Variants in TNFAIP8L1 observed in about 807,000 individuals in gnomAD.
The protein encoded by TNFAIP8L1 is tumor necrosis factor alpha-induced protein 8-like protein 1.
For synonymous variants in TNFAIP8L1, 127 were observed against 125.6 expected, an observed-to-expected ratio of 1.01 and a Z score of -0.08; for missense variants, 225 against 266.1, an observed-to-expected ratio of 0.85 and a Z score of 1.08.
intron 1 of TNFAIP8L1, among the ~76,000 whole-genome samples, chr19:4,650,006 T>C (rs10426583): frequency 0.31 from 46,853 of 152,088 alleles, 8,922 homozygotes; most frequent in African/African-American, 0.54. Context: ...CTGAGCAGGG[T>C]CTGGGGCAGT....
chr19:4,652,263 G>A lies in TNFAIP8L1; in HGVS notation c.394G>A (p.Gly132Ser). 1.3e-6 allele frequency: 2 copies of A among 1,562,970 alleles called. No homozygotes were observed. Among genetic ancestry groups the A allele is most frequent in the Non-Finnish European group, 1.7e-6 (2 of 1,157,578 alleles). ...CCGCGACCTGCTGCACCAGGCCGTG[G>A]GTCCCCACCTGACCGCCAAGTCCCA... ...ECRDLLHQAV[G>S]PHLTAKSHGR... The change falls in exon 2 of 2, where the codon GGT becomes AGT. Residue 132 changes from glycine to serine, a missense_variant. Transcript: ENST00000327473.
chr19:4,644,342 C>G (rs996809220), intron 1 of TNFAIP8L1, among the ~76,000 whole-genome samples: 2 of 150,298 alleles, frequency 1.3e-5, no homozygotes, highest in Non-Finnish European at 2.9e-5. Flanking sequence ...GAGTTCGAGA[C>G]TAGCCTGGGC....
rs1435743578 is a variant in TNFAIP8L1 at position 4,652,276 on chromosome 19, C to T, written c.407C>T (p.Thr136Ile). The change falls in exon 2 of 2, where the codon ACC becomes ATC. Residue 136 changes from threonine to isoleucine, a missense_variant. Coordinates refer to ENST00000327473, the MANE Select transcript of TNFAIP8L1 (RefSeq NM_152362.3). ...LLHQAVGPHL[T>I]AKSHGRINHV... ...CACCAGGCCGTGGGTCCCCACCTGA[C>T]CGCCAAGTCCCACGGCCGCATCAAC... 3 of 1,565,008 alleles carry T rather than the reference C, an allele frequency of 1.9e-6. No homozygotes were observed. The highest frequency in any genetic ancestry group is 2.6e-6 in the Non-Finnish European group (3 of 1,158,530).
At chr19:4,651,831 C>T in intron 1 of TNFAIP8L1, 36 bp from the exon 2 acceptor site, 2 of 1,548,296 alleles carry the variant, frequency 1.3e-6, no homozygotes, top group African/African-American at 1.4e-5. Context: ...AGTGCCCCAA[C>T]GTGCAAAACT....
At chr19:4,644,179 C>T (rs1018443557) in intron 1 of TNFAIP8L1, among the ~76,000 whole-genome samples, 1 of 152,130 alleles carries the variant, frequency 6.6e-6, no homozygotes. Context: ...TGAGATCATG[C>T]CATTGCACTC....
chr19:4,642,270 C>G (rs2088267972), intron 1 of TNFAIP8L1: 1 of 152,138 alleles, frequency 6.6e-6, no homozygotes, highest in African/African-American at 2.4e-5. Flanking sequence ...CACCTGAGGT[C>G]AGGAATTCGA....
At chr19:4,651,743 C>T (rs1335258943) in intron 1 of TNFAIP8L1, 124 bp from the exon 2 acceptor site, 5 of 1,129,172 alleles carry the variant, frequency 4.4e-6, no homozygotes, top group South Asian at 1.7e-5. Flanking sequence ...CCACTGCGTC[C>T]GGCATGACAC....
intron 1 of TNFAIP8L1, among the ~76,000 whole-genome samples, chr19:4,648,666 C>T (rs1173550438): frequency 3.3e-5 from 5 of 152,298 alleles, no homozygotes; most frequent in Admixed American, 6.5e-5. Context: ...GACTCCCGTC[C>T]GGAATCAACT....
chr19:4,652,638 G>GC lies in TNFAIP8L1; in HGVS notation c.*213dup, dbSNP rs933095946. ...AACACCAATGTCACCTCTCCTCCTGGCCCCCGCCCAATGGGGAGAGGAATT... is the reference window on the plus strand; with the variant it reads ...AACACCAATGTCACCTCTCCTCCTGGCCCCCCGCCCAATGGGGAGAGGAATT... On this transcript the variant is annotated 3_prime_UTR_variant, in exon 2 of 2. Transcript: ENST00000327473. 6 of 532,974 alleles carry GC rather than the reference G, an allele frequency of 1.1e-5. No homozygotes were observed. In the South Asian group the frequency reaches 1.4e-4, roughly 13 times the overall value. The allele number at this position is 532,974 out of a possible 1,614,324, so 33.0% of individuals were successfully genotyped here. A position where few individuals can be genotyped will look rare whatever the true frequency, so the allele number is the denominator to read the frequency against.
At chr19:4,642,021 A>C (rs1473476615) in intron 1 of TNFAIP8L1, 1 of 152,140 alleles carries the variant, frequency 6.6e-6, no homozygotes, top group East Asian at 1.9e-4. Flanking sequence ...AAAACAAAGA[A>C]AAAAAAATTA....
Position 4,654,812 on chromosome 19 carries a change from G to A in TNFAIP8L1, c.*2382G>A, listed in dbSNP as rs543552170. On this transcript the variant is annotated 3_prime_UTR_variant, in exon 2 of 2. Transcript: ENST00000327473. Reference sequence around the variant, plus strand: ...ATTTGCCATTTTTGTTTGTCAGCAGGGGGCAGGGGTTCTCAAAGATTGCAA... The same window carrying A: ...ATTTGCCATTTTTGTTTGTCAGCAGAGGGCAGGGGTTCTCAAAGATTGCAA... 2 of 152,308 alleles carry A rather than the reference G, an allele frequency of 1.3e-5. No homozygotes were observed. The highest frequency in any genetic ancestry group is 6.5e-5 in the Admixed American group (1 of 15,284). 9.4% of individuals were successfully genotyped at this position (152,308 alleles called of 1,614,324 possible).
In TNFAIP8L1 at chr19:4,652,173, G is replaced by A. The variant is rs761621106; in HGVS notation, c.304G>A (p.Val102Ile). The change falls in exon 2 of 2, where the codon GTC becomes ATC. Residue 102 changes from valine (V) to isoleucine (I), a missense_variant. By Grantham distance (29) the Val-to-Ile change is conservative. Transcript: ENST00000327473. The part of the protein sequence containing the change: ...HRARCLAMTA[V>I]SFHQVDFTFD... The stretch of plus-strand genomic sequence containing the variant: ...GGCGCGCTGCCTGGCCATGACGGCC[G>A]TCAGCTTCCACCAGGTGGACTTCAC... The A allele has an allele frequency of 6.0e-5, 93 of 1,550,494 alleles. No individual in the cohort carries two copies. The highest frequency in any genetic ancestry group is 1.2e-4 in the Admixed American group (6 of 51,736).
rs540516736 is a variant in TNFAIP8L1, at chr19:4,652,316, C to G, written c.447C>G (p.His149Gln). ...GCCGCATCAACCACGTGTTCGGCCACCTAGCCGACTGCGACTTCCTGGCTG... is the reference window on the plus strand; with the variant it reads ...GCCGCATCAACCACGTGTTCGGCCAGCTAGCCGACTGCGACTTCCTGGCTG... ...SHGRINHVFGHLADCDFLAAL... is the reference protein window; with the variant it reads ...SHGRINHVFGQLADCDFLAAL... Residue 149 changes from histidine to glutamine, a missense_variant, in exon 2 of 2, where the codon CAC becomes CAG. By Grantham distance (24) the His-to-Gln change is conservative. Coordinates refer to ENST00000327473, the MANE Select transcript of TNFAIP8L1 (RefSeq NM_152362.3). 5.8e-6 allele frequency: 9 copies of G among 1,559,500 alleles called. No individual in the cohort carries two copies. Among genetic ancestry groups the G allele is most frequent in the African/African-American group, 1.4e-5 (1 of 73,508 alleles).
intron 1 of TNFAIP8L1, among the ~76,000 whole-genome samples, chr19:4,651,491 C>T (rs2088364043): frequency 6.6e-6 from 1 of 151,620 alleles, no homozygotes; most frequent in Non-Finnish European, 1.5e-5. Context: ...GGCTGCAGTG[C>T]GGTGGCATGG....
chr19:4,650,952 C>T (rs1316151670), intron 1 of TNFAIP8L1, among the ~76,000 whole-genome samples: 1 of 152,034 alleles, frequency 6.6e-6, no homozygotes, highest in Non-Finnish European at 1.5e-5. Flanking sequence ...CCACCACACT[C>T]CAGCCTGGGC....
At chr19:4,642,194 G>T (rs1439085331) in intron 1 of TNFAIP8L1, 1 of 151,888 alleles carries the variant, frequency 6.6e-6, no homozygotes, top group African/African-American at 2.4e-5. Context: ...AAAAAGAAGA[G>T]AATTGGCTGG....
In TNFAIP8L1 at chr19:4,651,983, G is replaced by A. The variant is rs758078999; in HGVS notation, c.114G>A (p.Val38=). The change falls in exon 2 of 2, where the codon GTG becomes GTA. Residue 38 remains valine (V), a synonymous_variant. Coordinates refer to ENST00000327473, the MANE Select transcript of TNFAIP8L1 (RefSeq NM_152362.3). ...AVLVDDTSSE[V]LDELYRATRE... ...TGGTGGATGACACCAGCAGTGAGGT[G>A]CTGGATGAGCTGTACCGCGCCACCA... The A allele has an allele frequency of 7.4e-6, 12 of 1,614,170 alleles. No individual in the cohort carries two copies. In the South Asian group the frequency reaches 1.2e-4, roughly 16 times the overall value.
At chr19:4,643,006 G>C (rs1349161347) in intron 1 of TNFAIP8L1, among the ~76,000 whole-genome samples, 1 of 152,000 alleles carries the variant, frequency 6.6e-6, no homozygotes, top group Non-Finnish European at 1.5e-5. Flanking sequence ...CGTTAGGCCA[G>C]GCAGGGTGGC....
rs571750715 is a variant in TNFAIP8L1 at position 4,654,532 on chromosome 19, A to C, written c.*2102A>C. The stretch of plus-strand genomic sequence containing the variant: ...AATCTTTGTATTTTTTGTAGACAGA[A>C]GGTCTCACCATGTTGCCCAGGATGG... On this transcript the variant is annotated 3_prime_UTR_variant, in exon 2 of 2. Transcript: ENST00000327473. 3.3e-5 allele frequency: 5 copies of C among 152,226 alleles called. No homozygotes were observed. Among genetic ancestry groups the C allele is most frequent in the Admixed American group, 6.5e-5 (1 of 15,276 alleles). 9.4% of individuals were successfully genotyped at this position (152,226 alleles called of 1,614,324 possible). A position where few individuals can be genotyped will look rare whatever the true frequency, so the allele number is the denominator to read the frequency against.
Sources: gnomAD v4.1 joint callset for allele counts (sites outside exome capture counted in the v4.1 genomes callset) on GRCh38, gnomAD v4.1.1 for gene constraint, MANE v1.5 for transcripts, NCBI Gene and HGNC (gene_info 2026-07-23, HGNC 2026-07-21) for gene names.